Variants in ANK3 observed in about 807,000 individuals in gnomAD.
The protein encoded by ANK3 is ankyrin 3.
ANK3 carries 57 observed loss-of-function variants against 370.9 expected under a neutral mutation model. That is an observed-to-expected ratio of 0.15 (90% CI 0.12 to 0.19). The LOEUF is 0.19. Ranked by LOEUF, ANK3 falls within the 10% of genes least tolerant of loss-of-function variation. The pLI is 1.00. For synonymous variants in ANK3, 1,929 were observed against 1,946.3 expected, an observed-to-expected ratio of 0.99 and a Z score of 0.23; for missense variants, 4,439 against 5,302.1, an observed-to-expected ratio of 0.84 and a Z score of 5.06.
At chr10:60,206,837 A>T (rs935365376) in intron 10 of ANK3, among the ~76,000 whole-genome samples, 1 of 152,202 alleles carries the variant, frequency 6.6e-6, no homozygotes, top group Non-Finnish European at 1.5e-5. Context: ...GAACTATAAA[A>T]TACCAGAGTC....
chr10:60,328,179 A>G (rs932544774), intron 1 of ANK3, among the ~76,000 whole-genome samples: 3 of 152,344 alleles, frequency 2.0e-5, no homozygotes, highest in South Asian at 2.1e-4. Flanking sequence ...TCTGAGAGAC[A>G]ACAATTGAAA....
intron 41 of ANK3, 61 bp downstream of exon 41, chr10:60,059,279 T>C: frequency 7.0e-7 from 1 of 1,424,492 alleles, no homozygotes; most frequent in Non-Finnish European, 9.9e-7. Flanking sequence ...AAAGCATGTA[T>C]TTAAGATAAA....
At chr10:60,208,258 T>C in intron 9 of ANK3, 25 bp from the exon 10 acceptor site, 1 of 1,604,978 alleles carries the variant, frequency 6.2e-7, no homozygotes, top group Non-Finnish European at 8.5e-7. Context: ...GAAATCAGAG[T>C]TCATTCTTTT....
At chr10:60,520,352 C>T (rs1352077634) in intron 2 of ANK3, among the ~76,000 whole-genome samples, 3 of 151,994 alleles carry the variant, frequency 2.0e-5, no homozygotes, top group Admixed American at 1.3e-4. Context: ...TGGGACAATT[C>T]GCATCCCAAA....
At chr10:60,713,940 T>C (rs1405853635) in intron 1 of ANK3, among the ~76,000 whole-genome samples, 1 of 143,366 alleles carries the variant, frequency 7.0e-6, no homozygotes. Flanking sequence ...ATAGAGAATA[T>C]AAAAAAAAAA....
At chr10:60,655,314 TG>T (rs1406648344) in intron 1 of ANK3, among the ~76,000 whole-genome samples, 1 of 151,964 alleles carries the variant, frequency 6.6e-6, no homozygotes, top group Non-Finnish European at 1.5e-5. Context: ...CCAGGCATGT[TG>T]TTGCCTCTGA....
At chr10:60,492,109 G>A (rs146405458) in intron 2 of ANK3, among the ~76,000 whole-genome samples, 1 of 152,304 alleles carries the variant, frequency 6.6e-6, no homozygotes, top group East Asian at 1.9e-4. Context: ...ATTCAGGTTT[G>A]TAGCCTAGGA....
intron 1 of ANK3, among the ~76,000 whole-genome samples, chr10:60,387,406 G>C (rs988919018): frequency 6.6e-6 from 1 of 152,052 alleles, no homozygotes; most frequent in African/African-American, 2.4e-5. Context: ...AGGAAATCTA[G>C]AGTGTTTTCA....
chr10:60,532,680 G>T (rs530391938), intron 2 of ANK3, among the ~76,000 whole-genome samples: 1 of 152,200 alleles, frequency 6.6e-6, no homozygotes, highest in South Asian at 2.1e-4. Flanking sequence ...ATGATCTCTT[G>T]GTTCCAGAGC....
intron 8 of ANK3, among the ~76,000 whole-genome samples, chr10:60,221,202 C>A (rs1412696674): frequency 1.3e-5 from 2 of 151,832 alleles, no homozygotes; most frequent in African/African-American, 4.8e-5. Flanking sequence ...GCTTCAGCCT[C>A]CTGAGCAGCT....
At chr10:60,534,302 T>C (rs1264074235) in intron 2 of ANK3, among the ~76,000 whole-genome samples, 1 of 152,082 alleles carries the variant, frequency 6.6e-6, no homozygotes, top group African/African-American at 2.4e-5. Flanking sequence ...ACCAAGTGAA[T>C]TGCTTCTGCG....
chr10:60,160,308 A>T (rs1482027025), intron 23 of ANK3, among the ~76,000 whole-genome samples: 1 of 152,108 alleles, frequency 6.6e-6, no homozygotes, highest in Non-Finnish European at 1.5e-5. Context: ...AACCTGTCAG[A>T]AATGGATAAA....
chr10:60,553,990 C>G (rs2077150802), intron 2 of ANK3, among the ~76,000 whole-genome samples: 1 of 152,234 alleles, frequency 6.6e-6, no homozygotes, highest in East Asian at 1.9e-4. Context: ...GCATCAAGAG[C>G]TTTCACATAG....
chr10:60,463,360 C>A (rs939849221), intron 2 of ANK3, among the ~76,000 whole-genome samples: 3 of 152,076 alleles, frequency 2.0e-5, no homozygotes, highest in African/African-American at 7.2e-5. Flanking sequence ...TTTCCGTCTG[C>A]CTAGATTTGA....
chr10:60,082,075 C>G, intron 35 of ANK3, 75 bp downstream of exon 35: 1 of 1,204,110 alleles, frequency 8.3e-7, no homozygotes, highest in Non-Finnish European at 1.2e-6. Context: ...CACTTTAGCC[C>G]TCTGCAACTT....
intron 28 of ANK3, among the ~76,000 whole-genome samples, chr10:60,097,003 A>G (rs12240889): frequency 0.029 from 4,401 of 152,256 alleles, 211 homozygotes; most frequent in African/African-American, 0.1. Context: ...ATTCTCACAT[A>G]CAAAAAGAGG....
intron 13 of ANK3, among the ~76,000 whole-genome samples, 155 bp from the exon 14 acceptor site, chr10:60,198,692 C>T (rs1055672776): frequency 6.6e-6 from 1 of 152,122 alleles, no homozygotes; most frequent in Non-Finnish European, 1.5e-5. Context: ...CTTCAATGCT[C>T]AGAAATGAGG....
intron 23 of ANK3, chr10:60,140,293 C>T: frequency 6.5e-7 from 1 of 1,546,584 alleles, no homozygotes. Context: ...GGGCTATTTG[C>T]ACATTCACTG....
At chr10:60,490,976 T>C (rs1415604937) in intron 2 of ANK3, among the ~76,000 whole-genome samples, 1 of 152,240 alleles carries the variant, frequency 6.6e-6, no homozygotes, top group Non-Finnish European at 1.5e-5. Context: ...ATCTGATTTA[T>C]AGAACTAAGA....
Sources: allele counts gnomAD v4.1 joint callset (sites outside exome capture counted in the v4.1 genomes callset), GRCh38; gene constraint gnomAD v4.1.1; transcripts MANE v1.5; gene names NCBI Gene and HGNC (gene_info 2026-07-23, HGNC 2026-07-21).